Variants in FAM118A observed in about 807,000 individuals in gnomAD.
FAM118A encodes protein FAM118A.
In FAM118A, 25 loss-of-function variants were observed where a neutral mutation model predicts 38.2. The ratio of observed to expected loss-of-function variants is 0.65; its 90% CI spans 0.48 to 0.91. The LOEUF is 0.91. FAM118A is among the 40% of genes least tolerant of loss of function. The pLI, the probability that FAM118A is intolerant of heterozygous loss-of-function variation, is 0.00. For synonymous variants in FAM118A, 178 were observed against 184.1 expected (o/e 0.97, Z 0.27); for missense variants, 425 against 463.3 (o/e 0.92, Z 0.76).
chr22:45,334,362 T>C (rs577324245), intron 6 of FAM118A, among the ~76,000 whole-genome samples: 12 of 152,360 alleles, frequency 7.9e-5, no homozygotes, highest in African/African-American at 2.9e-4. Context: ...GGCAGGTATA[T>C]GTGACCAGCT....
chr22:45,315,478 G>A (rs971949891), intron 1 of FAM118A, among the ~76,000 whole-genome samples: 1 of 152,202 alleles, frequency 6.6e-6, no homozygotes, highest in Non-Finnish European at 1.5e-5. Flanking sequence ...AGTGGTGCTA[G>A]CGTGAGGCGG....
intron 1 of FAM118A, among the ~76,000 whole-genome samples, chr22:45,313,905 A>G (rs922162802): frequency 6.6e-6 from 1 of 152,248 alleles, no homozygotes; most frequent in Non-Finnish European, 1.5e-5. Context: ...AGGATTCCCT[A>G]TCACACATCT....
intron 5 of FAM118A, among the ~76,000 whole-genome samples, chr22:45,331,717 C>T (rs2085734289): frequency 6.6e-6 from 1 of 152,188 alleles, no homozygotes; most frequent in African/African-American, 2.4e-5. Flanking sequence ...AGTGACTGGG[C>T]AGATGCTTTT....
chr22:45,317,955 G>A (rs772947941), intron 1 of FAM118A, among the ~76,000 whole-genome samples: 37 of 152,232 alleles, frequency 2.4e-4, no homozygotes, highest in Non-Finnish European at 4.4e-4. Context: ...AGGGGCTGTA[G>A]AAGGGTGTGG....
At chr22:45,309,735 C>A (rs1333289648), upstream of FAM118A, 1 of 152,262 alleles carries the variant, frequency 6.6e-6, no homozygotes, top group East Asian at 1.9e-4. Flanking sequence ...GCGCTGGAGA[C>A]CCCGGGGGCG....
Position 45,340,653 on chromosome 22 carries a change from C to G in FAM118A, c.*248C>G. 1 of 546,244 alleles carries G rather than the reference C, an allele frequency of 1.8e-6. No homozygotes were observed. Among genetic ancestry groups the G allele is most frequent in the South Asian group, 2.7e-5 (1 of 36,652 alleles). 33.8% of individuals were successfully genotyped at this position (546,244 alleles called of 1,614,324 possible). A position where few individuals can be genotyped will look rare whatever the true frequency, so the allele number is the denominator to read the frequency against. ...TGCAAGGACTGATGGATAGCTACCTCAGGGACCAGAATCCGTGGGAAGGGA... is the reference window on the plus strand; with the variant it reads ...TGCAAGGACTGATGGATAGCTACCTGAGGGACCAGAATCCGTGGGAAGGGA... On this transcript the variant is annotated 3_prime_UTR_variant, in exon 9 of 9. Transcript: ENST00000441876.
At chr22:45,336,453 C>T in intron 8 of FAM118A, 42 bp downstream of exon 8, 12 of 1,509,836 alleles carry the variant, frequency 7.9e-6, no homozygotes, top group Non-Finnish European at 9.2e-6. Flanking sequence ...CCTCGGGTCT[C>T]TCTTGTTGGC....
At chr22:45,321,087 A>C (rs991708644) in intron 1 of FAM118A, among the ~76,000 whole-genome samples, 2 of 152,208 alleles carry the variant, frequency 1.3e-5, no homozygotes, top group South Asian at 4.1e-4. Context: ...TAGGATATGC[A>C]CTGTGTTCTC....
chr22:45,329,237 C>T (rs1297125671), intron 4 of FAM118A: 1 of 152,144 alleles, frequency 6.6e-6, no homozygotes, highest in Admixed American at 6.6e-5. Context: ...AAGATGAATT[C>T]CTAGAAGAGT....
At chr22:45,319,945 T>A (rs1238284129) in intron 1 of FAM118A, among the ~76,000 whole-genome samples, 1 of 152,184 alleles carries the variant, frequency 6.6e-6, no homozygotes, top group African/African-American at 2.4e-5. Context: ...GTCGCAGACA[T>A]GTTTGGGAGT....
Position 45,336,332 on chromosome 22 carries a change from T to C in FAM118A, c.975T>C (p.Asn325=), listed in dbSNP as rs1312330768. The part of the protein sequence containing the change: ...DRVDSTTLLG[N]ACQDCAKRKL... ...TAATAAATTCTTCTCTTTTAGGTAA[T>C]GCATGCCAGGACTGTGCAAAGAGGA... The change falls in exon 8 of 9, where the codon AAT becomes AAC. Residue 325 remains asparagine (N), a synonymous_variant. Transcript: ENST00000441876. 1.9e-6 allele frequency: 3 copies of C among 1,612,846 alleles called. No homozygotes were observed. The highest frequency in any genetic ancestry group is 1.7e-5 in the Admixed American group (1 of 59,916).
chr22:45,337,336 G>A (rs1477752724), intron 8 of FAM118A, among the ~76,000 whole-genome samples: 1 of 152,234 alleles, frequency 6.6e-6, no homozygotes, highest in Non-Finnish European at 1.5e-5. Flanking sequence ...TAGCCAGCAT[G>A]TGTGTTGTGT....
intron 7 of FAM118A, 27 bp downstream of exon 7, chr22:45,335,409 C>A: frequency 6.2e-7 from 1 of 1,613,934 alleles, no homozygotes. Context: ...TTCTTGCCAG[C>A]CTGTTTTTTG....
At chr22:45,315,448 TGTG>T (rs1381409270) in intron 1 of FAM118A, among the ~76,000 whole-genome samples, 4 of 152,342 alleles carry the variant, frequency 2.6e-5, no homozygotes, top group South Asian at 4.1e-4. Flanking sequence ...GAAATGTAGT[TGTG>T]GTGACTGCCT....
intron 1 of FAM118A, among the ~76,000 whole-genome samples, chr22:45,318,113 C>T (rs2146604001): frequency 6.6e-6 from 1 of 152,256 alleles, no homozygotes; most frequent in South Asian, 2.1e-4. Context: ...TTACGTAGTG[C>T]TGGATGCCAG....
Position 45,336,346 on chromosome 22 carries a change from G to C in FAM118A, c.989G>C (p.Cys330Ser), listed in dbSNP as rs2086095639. The C allele has an allele frequency of 6.2e-7, 1 of 1,613,652 alleles. No homozygotes were observed. Among genetic ancestry groups the C allele is most frequent in the South Asian group, 1.1e-5 (1 of 91,068 alleles). The change falls in exon 8 of 9, where the codon TGT becomes TCT. Residue 330 changes from cysteine to serine, a missense_variant. Coordinates refer to ENST00000441876, the MANE Select transcript of FAM118A (RefSeq NM_017911.4). ...TTLLGNACQD[C>S]AKRKLEENGI... ...CTTTTAGGTAATGCATGCCAGGACT[G>C]TGCAAAGAGGAAGTTAGAAGAGAAT...
intron 3 of FAM118A, among the ~76,000 whole-genome samples, chr22:45,325,680 A>G (rs1448034985): frequency 6.6e-6 from 1 of 152,096 alleles, no homozygotes; most frequent in Non-Finnish European, 1.5e-5. Flanking sequence ...TGGGGGCTGT[A>G]TGTGTGGATG....
intron 6 of FAM118A, among the ~76,000 whole-genome samples, chr22:45,334,407 C>T (rs934024841): frequency 3.3e-5 from 5 of 152,164 alleles, no homozygotes; most frequent in African/African-American, 9.7e-5. Flanking sequence ...ACAGATAATC[C>T]AATCGCTAAA....
intron 6 of FAM118A, 128 bp from the exon 7 acceptor site, chr22:45,335,222 C>T: frequency 6.3e-6 from 6 of 958,650 alleles, no homozygotes; most frequent in Non-Finnish European, 8.1e-6. Flanking sequence ...AGTCCGCAGC[C>T]CGCGCGGGCT....
Sources: gnomAD v4.1 joint callset for allele counts (sites outside exome capture counted in the v4.1 genomes callset) on GRCh38, gnomAD v4.1.1 for gene constraint, MANE v1.5 for transcripts, NCBI Gene and HGNC (gene_info 2026-07-23, HGNC 2026-07-21) for gene names.